Variants in CDKAL1 observed in about 807,000 individuals in gnomAD.
CDKAL1 encodes CDKAL1 threonylcarbamoyladenosine tRNA methylthiotransferase.
In CDKAL1, 32 loss-of-function variants were observed where a neutral mutation model predicts 68.2. That is an observed-to-expected ratio of 0.47 (90% CI 0.35 to 0.63). The LOEUF (loss-of-function observed/expected upper bound fraction) is 0.63. CDKAL1 is among the 30% of genes least tolerant of loss of function. CDKAL1 has a pLI of 0.00. For synonymous variants in CDKAL1, 234 were observed against 244.3 expected, an observed-to-expected ratio of 0.96 and a Z score of 0.39; for missense variants, 606 against 696.7, an observed-to-expected ratio of 0.87 and a Z score of 1.47.
chr6:20,602,162 A>C (rs1283278182), intron 4 of CDKAL1, among the ~76,000 whole-genome samples: 1 of 152,180 alleles, frequency 6.6e-6, no homozygotes, highest in Non-Finnish European at 1.5e-5. Context: ...ACCAAGTCTT[A>C]AATAGGTGAA....
intron 5 of CDKAL1, among the ~76,000 whole-genome samples, chr6:20,738,960 T>C (rs1227190707): frequency 6.6e-6 from 1 of 152,228 alleles, no homozygotes; most frequent in Non-Finnish European, 1.5e-5. Flanking sequence ...GGGATAGTCT[T>C]GTGTCTGGAA....
chr6:20,998,365 A>T (rs1333614951), intron 10 of CDKAL1, among the ~76,000 whole-genome samples: 2 of 152,158 alleles, frequency 1.3e-5, no homozygotes, highest in African/African-American at 2.4e-5. Flanking sequence ...TAATCCCAGC[A>T]CTTTGAGAGG....
intron 8 of CDKAL1, among the ~76,000 whole-genome samples, chr6:20,808,707 G>A (rs1237938262): frequency 6.6e-6 from 1 of 152,008 alleles, no homozygotes; most frequent in African/African-American, 2.4e-5. Context: ...GATGGGATTG[G>A]ATGTATGTAT....
At chr6:21,016,342 C>T (rs903385808) in intron 11 of CDKAL1, among the ~76,000 whole-genome samples, 1 of 152,036 alleles carries the variant, frequency 6.6e-6, no homozygotes, top group Non-Finnish European at 1.5e-5. Flanking sequence ...CTGTACTTCA[C>T]TCTTCCTCAC....
intron 4 of CDKAL1, among the ~76,000 whole-genome samples, chr6:20,609,235 TCTTCCTTCCTTCTTCTTCCTCCTTC>T (rs1259618697): frequency 3.4e-5 from 5 of 145,506 alleles, no homozygotes; most frequent in Admixed American, 2.8e-4. Context: ...CTTTCTTCCT[TCTTCCTTCCTTCTTCTTCCTCCTTC>T]CTTCCTCCTC....
chr6:21,004,235 T>G lies in CDKAL1; in HGVS notation c.1055+3863T>G, dbSNP rs139350286. ...TGGAAGTGAAATCTTTTTAATTAAT[T>G]TTCTTTGCAGTTGAAAATGGCCCAT... On this transcript the variant is annotated intron_variant, in intron 11 of 15. Transcript: ENST00000274695. Among the ~76,000 whole-genome samples, 952 of 152,324 alleles carry G rather than the reference T, an allele frequency of 6.2e-3. 3 individuals carry two copies. Among genetic ancestry groups the G allele is most frequent in the Non-Finnish European group, 8.4e-3 (569 of 68,010 alleles).
chr6:20,723,600 TG>T, intron 5 of CDKAL1: 1 of 200,962 alleles, frequency 5.0e-6, no homozygotes, highest in Non-Finnish European at 1.1e-5. Context: ...TTTGTAGGGT[TG>T]GTGCTTGCCA....
intron 5 of CDKAL1, among the ~76,000 whole-genome samples, chr6:20,684,151 G>C (rs138279073): frequency 6.6e-6 from 1 of 152,160 alleles, no homozygotes; most frequent in Non-Finnish European, 1.5e-5. Flanking sequence ...TATGAATAAA[G>C]CTGCTTTAGG....
chr6:20,559,479 G>A (rs1353387466), intron 4 of CDKAL1: 1 of 152,174 alleles, frequency 6.6e-6, no homozygotes, highest in Admixed American at 6.5e-5. Context: ...TAGTAAAGAT[G>A]TGGGAGAAGT....
intron 13 of CDKAL1, among the ~76,000 whole-genome samples, chr6:21,111,378 A>C (rs901544706): frequency 6.6e-6 from 1 of 152,210 alleles, no homozygotes; most frequent in African/African-American, 2.4e-5. Flanking sequence ...CACTTAAATG[A>C]CAGCTTTGCC....
At chr6:20,613,966 A>ATAG (rs1291953301) in intron 4 of CDKAL1, among the ~76,000 whole-genome samples, 2 of 148,970 alleles carry the variant, frequency 1.3e-5, no homozygotes, top group African/African-American at 2.4e-5. Context: ...CCTTGCCAAC[A>ATAG]TAGTTCTATG....
intron 15 of CDKAL1, among the ~76,000 whole-genome samples, chr6:21,219,209 C>A (rs1236344122): frequency 1.3e-5 from 2 of 152,086 alleles, no homozygotes; most frequent in Non-Finnish European, 2.9e-5. Context: ...CCGATGGGTA[C>A]CAAAATTCAT....
chr6:21,174,949 A>C (rs1777523412), intron 13 of CDKAL1, among the ~76,000 whole-genome samples: 1 of 152,194 alleles, frequency 6.6e-6, no homozygotes, highest in South Asian at 2.1e-4. Flanking sequence ...ACTCATCTGA[A>C]AAATAAAGTA....
intron 13 of CDKAL1, among the ~76,000 whole-genome samples, chr6:21,194,658 C>T (rs151012331): frequency 5.0e-4 from 76 of 152,296 alleles, no homozygotes; most frequent in Non-Finnish European, 9.0e-4. Context: ...TAACCACACA[C>T]GGCTACCATA....
intron 10 of CDKAL1, among the ~76,000 whole-genome samples, chr6:20,957,845 C>T (rs1438202168): frequency 6.6e-6 from 1 of 151,906 alleles, no homozygotes; most frequent in Non-Finnish European, 1.5e-5. Flanking sequence ...GTGATAGGTG[C>T]CTGTAATCCC....
chr6:20,976,243 C>G (rs1445644134), intron 10 of CDKAL1, among the ~76,000 whole-genome samples: 1 of 152,062 alleles, frequency 6.6e-6, no homozygotes, highest in Non-Finnish European at 1.5e-5. Context: ...CTGAATGTAT[C>G]ACAACTTATC....
At chr6:20,678,783 TC>T in intron 5 of CDKAL1, among the ~76,000 whole-genome samples, 1 of 152,282 alleles carries the variant, frequency 6.6e-6, no homozygotes, top group Non-Finnish European at 1.5e-5. Context: ...TTACTATGTT[TC>T]TTTGTGACAT....
rs76172568 is a variant in CDKAL1, at chr6:20,641,905, G to A, written c.287-7388G>A. 2.2e-3 allele frequency among the ~76,000 whole-genome samples: 335 copies of A among 152,280 alleles called. 5 individuals are homozygous for A. In the East Asian group the frequency reaches 0.036, roughly 16 times the overall value. On this transcript the variant is annotated intron_variant, in intron 4 of 15. Transcript: ENST00000274695. ...AAGCACATGTAGGAGAAATTCTGAC[G>A]TGCATATATATTTGCTAGTTTTTTC...
intron 11 of CDKAL1, among the ~76,000 whole-genome samples, chr6:21,005,316 C>A (rs567472449): frequency 6.6e-6 from 1 of 152,132 alleles, no homozygotes; most frequent in African/African-American, 2.4e-5. Flanking sequence ...TGACAACATG[C>A]GCAGTTCTTA....
Sources: allele counts gnomAD v4.1 joint callset (sites outside exome capture counted in the v4.1 genomes callset), GRCh38; gene constraint gnomAD v4.1.1; transcripts MANE v1.5; gene names NCBI Gene and HGNC (gene_info 2026-07-23, HGNC 2026-07-21).